Variants in SNTB1 observed in about 807,000 individuals in gnomAD.
The protein encoded by SNTB1 is syntrophin beta 1.
Under a neutral mutation model 48.9 loss-of-function variants are expected in SNTB1, and 36 were observed. The observed-to-expected ratio is 0.74, with a 90% CI of 0.56 to 0.97. The LOEUF (loss-of-function observed/expected upper bound fraction) is 0.97. Among genes scored for constraint, SNTB1 ranks in the 50% least tolerant of loss-of-function variants. SNTB1 has a pLI of 0.00. For synonymous variants in SNTB1, 299 were observed against 294.6 expected (o/e 1.01, Z -0.15); for missense variants, 786 against 703.4 (o/e 1.12, Z -1.33).
chr8:120,549,298 C>T (rs1815439877), intron 4 of SNTB1, among the ~76,000 whole-genome samples: 1 of 152,104 alleles, frequency 6.6e-6, no homozygotes, highest in South Asian at 2.1e-4. Context: ...TCTATATGTC[C>T]CAGCACAAGC....
intron 3 of SNTB1, among the ~76,000 whole-genome samples, chr8:120,577,697 C>T (rs975463329): frequency 6.6e-6 from 1 of 152,164 alleles, no homozygotes; most frequent in African/African-American, 2.4e-5. Flanking sequence ...CATCATTCTT[C>T]AAAAACAATA....
At chr8:120,633,857 G>A (rs1817024325) in intron 2 of SNTB1, among the ~76,000 whole-genome samples, 1 of 152,084 alleles carries the variant, frequency 6.6e-6, no homozygotes, top group African/African-American at 2.4e-5. Flanking sequence ...TCTCCCAATG[G>A]TTATATTTTA....
At chr8:120,776,737 C>T in intron 1 of SNTB1, 1 of 152,178 alleles carries the variant, frequency 6.6e-6, no homozygotes. Flanking sequence ...TCAGTACCCC[C>T]AGGAGCTTGG....
intron 4 of SNTB1, among the ~76,000 whole-genome samples, chr8:120,564,112 CAAA>C (rs201728533): frequency 9.0e-6 from 1 of 111,588 alleles, no homozygotes. Context: ...CTGTCTCAAA[CAAA>C]AAAAAAAAAA....
chr8:120,724,717 G>C (rs933938701), intron 1 of SNTB1, among the ~76,000 whole-genome samples: 4 of 152,204 alleles, frequency 2.6e-5, no homozygotes, highest in African/African-American at 7.2e-5. Context: ...GATGATTTTA[G>C]CTAGAGAGGA....
At chr8:120,544,254 G>T (rs1046337548) in intron 5 of SNTB1, among the ~76,000 whole-genome samples, 50 of 152,104 alleles carry the variant, frequency 3.3e-4, no homozygotes, top group Admixed American at 3.3e-3. Flanking sequence ...ACTTCAAATG[G>T]TATTTTTGGA....
intron 3 of SNTB1, among the ~76,000 whole-genome samples, chr8:120,629,053 C>T (rs1008615020): frequency 1.3e-5 from 2 of 152,126 alleles, no homozygotes; most frequent in African/African-American, 4.8e-5. Flanking sequence ...CACTTTTCTC[C>T]AGGATGAACT....
intron 2 of SNTB1, among the ~76,000 whole-genome samples, chr8:120,673,399 T>C (rs1166174934): frequency 6.6e-6 from 1 of 151,944 alleles, no homozygotes; most frequent in Non-Finnish European, 1.5e-5. Context: ...CAAGCGGTTC[T>C]CCTGCCTTAG....
intron 3 of SNTB1, among the ~76,000 whole-genome samples, chr8:120,597,290 T>C (rs1032275894): frequency 1.3e-5 from 2 of 152,228 alleles, no homozygotes; most frequent in East Asian, 1.9e-4. Flanking sequence ...GTGATGCTGA[T>C]TTTGGACTTC....
intron 1 of SNTB1, among the ~76,000 whole-genome samples, chr8:120,711,774 C>T: frequency 6.6e-6 from 1 of 152,078 alleles, no homozygotes; most frequent in East Asian, 1.9e-4. Flanking sequence ...TACTTGTAGT[C>T]TAACATGCTA....
At chr8:120,625,231 G>A (rs1341907475) in intron 3 of SNTB1, among the ~76,000 whole-genome samples, 6 of 152,206 alleles carry the variant, frequency 3.9e-5, no homozygotes, top group African/African-American at 1.4e-4. Context: ...AACACTGGGG[G>A]ACACGTTCAA....
In SNTB1 at chr8:120,548,976, GA is replaced by G; in HGVS notation, c.1137-19del. 1 of 1,526,748 alleles carries G rather than the reference GA, an allele frequency of 6.5e-7. No homozygotes were observed. The highest frequency in any genetic ancestry group is 1.3e-5 in the South Asian group (1 of 77,106). The allele number at this position is 1,526,748 out of a possible 1,614,324, so 94.6% of individuals were successfully genotyped here. ...GGACCAGCCTGGAGAGAGAGAGAGA[GA>G]GACATCATCAAAATGGAGACTAGTT... On this transcript the variant is annotated intron_variant, in intron 4 of 6. Coordinates refer to ENST00000517992, the MANE Select transcript of SNTB1 (RefSeq NM_021021.4).
At chr8:120,556,063 C>T (rs1301457467) in intron 4 of SNTB1, among the ~76,000 whole-genome samples, 1 of 152,120 alleles carries the variant, frequency 6.6e-6, no homozygotes, top group Non-Finnish European at 1.5e-5. Context: ...TAAGCACCTA[C>T]TCTACACAAA....
At chr8:120,733,889 G>A (rs1016123445) in intron 1 of SNTB1, among the ~76,000 whole-genome samples, 4 of 152,022 alleles carry the variant, frequency 2.6e-5, no homozygotes, top group Admixed American at 6.5e-5. Flanking sequence ...ACTTTCTCAC[G>A]GTATTGTAAG....
intron 2 of SNTB1, among the ~76,000 whole-genome samples, chr8:120,639,986 G>C (rs955114897): frequency 5.9e-5 from 9 of 151,744 alleles, no homozygotes; most frequent in African/African-American, 1.9e-4. Flanking sequence ...CCATTTTCAC[G>C]ATATTGATTC....
intron 1 of SNTB1, among the ~76,000 whole-genome samples, chr8:120,742,670 T>C (rs1347301358): frequency 6.6e-6 from 1 of 152,232 alleles, no homozygotes; most frequent in Non-Finnish European, 1.5e-5. Context: ...ATTTAAATGG[T>C]GCCTTTACAG....
Position 120,610,109 on chromosome 8 carries a change from A to G in SNTB1, c.996+22335T>C, listed in dbSNP as rs548177770. On this transcript the variant is annotated intron_variant, in intron 3 of 6. Coordinates refer to ENST00000517992, the MANE Select transcript of SNTB1 (RefSeq NM_021021.4). Reference sequence around the variant, plus strand: ...AGCAAAAGATTATTTTGCTTTGCACACACAGTTTCTTTATTATTCACTATT... The same window carrying G: ...AGCAAAAGATTATTTTGCTTTGCACGCACAGTTTCTTTATTATTCACTATT... 4.7e-4 allele frequency among the ~76,000 whole-genome samples: 72 copies of G among 152,272 alleles called. 1 individual carries two copies. The South Asian group carries it at 0.015, about 31-fold the overall frequency.
intron 3 of SNTB1, among the ~76,000 whole-genome samples, chr8:120,615,080 A>G (rs1193669994): frequency 1.3e-5 from 2 of 151,742 alleles, no homozygotes; most frequent in African/African-American, 4.8e-5. Context: ...GAGCCCAGGA[A>G]GCGGAGGTTT....
chr8:120,674,401 C>T lies in SNTB1; in HGVS notation c.788+19291G>A, dbSNP rs541370613. ...TGAAGAGCAAAAGCAAACAAGGCTG[C>T]TTTACTCATGGAGCTGGTGAGGAAG... On this transcript the variant is annotated intron_variant, in intron 2 of 6. Transcript: ENST00000517992. Among the ~76,000 whole-genome samples, 7 of 152,308 alleles carry T rather than the reference C, an allele frequency of 4.6e-5. No individual in the cohort carries two copies. In the South Asian group the frequency reaches 1.4e-3, roughly 32 times the overall value.
Sources: allele counts gnomAD v4.1 joint callset (sites outside exome capture counted in the v4.1 genomes callset), GRCh38; gene constraint gnomAD v4.1.1; transcripts MANE v1.5; gene names NCBI Gene and HGNC (gene_info 2026-07-23, HGNC 2026-07-21).